Variants in DENND1A observed in about 807,000 individuals in gnomAD.
DENND1A encodes the protein DENN domain containing 1A.
DENND1A carries 51 observed loss-of-function variants against 113.7 expected under a neutral mutation model. The observed-to-expected ratio is 0.45, with a 90% CI of 0.36 to 0.57. The LOEUF (loss-of-function observed/expected upper bound fraction) is 0.57. DENND1A is among the 20% of genes least tolerant of loss of function. The pLI is 0.00. For missense variants in DENND1A, 1,258 were observed against 1,395.9 expected (o/e 0.90, Z 1.57); for synonymous variants, 565 against 570.8 (o/e 0.99, Z 0.14).
rs1830748006 is a variant in DENND1A, at chr9:123,778,318, G to A, written c.133-8755C>T. Among the ~76,000 whole-genome samples, 2 of 152,190 alleles carry A rather than the reference G, an allele frequency of 1.3e-5. 1 individual carries two copies. The highest frequency in any genetic ancestry group is 1.3e-4 in the Admixed American group (2 of 15,280). On this transcript the variant is annotated intron_variant, in intron 3 of 23. Transcript: ENST00000394215. ...CCAGAGTACATTCAGACACTTTACA[G>A]AACTATTCTGAAACATCATACAGTA...
At chr9:123,588,002 G>T (rs1005851653) in intron 11 of DENND1A, among the ~76,000 whole-genome samples, 2 of 152,100 alleles carry the variant, frequency 1.3e-5, no homozygotes, top group African/African-American at 4.8e-5. Context: ...AATAGGATGG[G>T]CATGGTGGCT....
At chr9:123,587,226 G>A (rs892312540) in intron 11 of DENND1A, among the ~76,000 whole-genome samples, 6 of 152,162 alleles carry the variant, frequency 3.9e-5, no homozygotes, top group African/African-American at 9.7e-5. Context: ...CTTTAACATA[G>A]CATTTGTATG....
At chr9:123,503,021 T>G (rs1462205760) in intron 13 of DENND1A, among the ~76,000 whole-genome samples, 1 of 152,216 alleles carries the variant, frequency 6.6e-6, no homozygotes, top group Non-Finnish European at 1.5e-5. Context: ...GCTCATTGAT[T>G]TAGCAGGGAT....
chr9:123,382,558 T>A lies in DENND1A; in HGVS notation c.2087A>T (p.Tyr696Phe), dbSNP rs987493215. 1.9e-6 allele frequency: 3 copies of A among 1,614,046 alleles called. No individual in the cohort carries two copies. The highest frequency in any genetic ancestry group is 2.2e-5 in the East Asian group (1 of 44,850). The change falls in exon 24 of 24, where the codon TAC becomes TTC. Residue 696 changes from tyrosine to phenylalanine, a missense_variant. By Grantham distance (22) the Tyr-to-Phe change is conservative. This residue lies in a region of DENND1A where 1,159 missense variants were observed against 1,231.7 expected (regional missense o/e 0.94). Transcript: ENST00000394215. Reference protein sequence around the residue: ...VTVALKLTHPYNKLWSLGQDD... With the variant: ...VTVALKLTHPFNKLWSLGQDD... ...CTGGCCCAGGCTCCAGAGCTTGTTG[T>A]ACGGGTGGGTAAGCTTCAAGGCCAC...
rs370869808 is a variant in DENND1A at position 123,709,852 on chromosome 9, T to C, written c.303-33063A>G. On this transcript the variant is annotated intron_variant, in intron 5 of 23. Transcript: ENST00000394215. ...TCAAGACAAAGGATCCAAAATTCAC[T>C]TGAATAATGGGAAGAGGGGTATTGG... Among the ~76,000 whole-genome samples, 5 of 152,172 alleles carry C rather than the reference T, an allele frequency of 3.3e-5. No homozygotes were observed. The East Asian group carries it at 5.8e-4, about 18-fold the overall frequency.
intron 5 of DENND1A, among the ~76,000 whole-genome samples, chr9:123,742,759 G>A (rs1397199442): frequency 6.6e-6 from 1 of 152,166 alleles, no homozygotes; most frequent in African/African-American, 2.4e-5. Context: ...TAGGTTCCTA[G>A]TCATTTTACA....
intron 1 of DENND1A, among the ~76,000 whole-genome samples, chr9:123,891,962 T>C (rs1232965319): frequency 6.6e-6 from 1 of 152,106 alleles, no homozygotes; most frequent in East Asian, 1.9e-4. Context: ...AGGGGGGACC[T>C]AAGCAAAGCC....
intron 1 of DENND1A, among the ~76,000 whole-genome samples, chr9:123,929,394 T>A (rs1804854065): frequency 6.6e-6 from 1 of 152,170 alleles, no homozygotes; most frequent in Middle Eastern, 3.2e-3. Flanking sequence ...TCCCCGGCCA[T>A]CCACACCTTA....
chr9:123,845,514 CA>C lies in DENND1A; in HGVS notation c.88+33436del, dbSNP rs1014305553. Among the ~76,000 whole-genome samples the C allele has an allele frequency of 2.0e-5, 3 of 151,214 alleles. No individual in the cohort carries two copies. The East Asian group carries it at 5.8e-4, about 29-fold the overall frequency. On this transcript the variant is annotated intron_variant, in intron 2 of 23. Coordinates refer to ENST00000394215, the MANE Select transcript of DENND1A (RefSeq NM_001352964.2). Reference sequence around the variant, plus strand: ...ACCTCATCTCTCCCTACCCACCCCCCAAAAAATTAAGTGGGTGTGGTGGCAT... The same window carrying C: ...ACCTCATCTCTCCCTACCCACCCCCCAAAAATTAAGTGGGTGTGGTGGCAT...
chr9:123,393,572 G>A (rs1332464995), intron 21 of DENND1A, among the ~76,000 whole-genome samples: 10 of 151,452 alleles, frequency 6.6e-5, no homozygotes, highest in Admixed American at 6.6e-4. Context: ...TCTGAACCAA[G>A]ACTGCAGGGT....
chr9:123,807,716 C>T (rs142672170), intron 2 of DENND1A, among the ~76,000 whole-genome samples: 5 of 152,324 alleles, frequency 3.3e-5, no homozygotes, highest in African/African-American at 1.2e-4. Flanking sequence ...GGCACTCCAG[C>T]CAACTCTCCT....
chr9:123,608,051 A>G lies in DENND1A; in HGVS notation c.765+1385T>C, dbSNP rs142839579. On this transcript the variant is annotated intron_variant, in intron 11 of 23. Coordinates refer to ENST00000394215, the MANE Select transcript of DENND1A (RefSeq NM_001352964.2). ...CCCCCAAACTTGACAAACAAAGGTAAAACACAGAAGAAATCTCTTCAATCT... is the reference window on the plus strand; with the variant it reads ...CCCCCAAACTTGACAAACAAAGGTAGAACACAGAAGAAATCTCTTCAATCT... Among the ~76,000 whole-genome samples, 142 of 152,338 alleles carry G rather than the reference A, an allele frequency of 9.3e-4. 1 individual carries two copies. Among genetic ancestry groups the G allele is most frequent in the African/African-American group, 3.2e-3 (135 of 41,574 alleles).
chr9:123,542,281 C>T (rs2056347078), intron 13 of DENND1A, among the ~76,000 whole-genome samples: 2 of 152,184 alleles, frequency 1.3e-5, no homozygotes, highest in African/African-American at 2.4e-5. Flanking sequence ...AGTCGAGATT[C>T]CCTTACCTAT....
At chr9:123,730,693 T>C (rs961286101) in intron 5 of DENND1A, among the ~76,000 whole-genome samples, 2 of 152,196 alleles carry the variant, frequency 1.3e-5, no homozygotes, top group African/African-American at 4.8e-5. Flanking sequence ...TGGAAGACAG[T>C]GTGGCGATTC....
intron 19 of DENND1A, among the ~76,000 whole-genome samples, chr9:123,434,250 C>A (rs1386919368): frequency 6.6e-6 from 1 of 152,214 alleles, no homozygotes; most frequent in Non-Finnish European, 1.5e-5. Context: ...TGGTCTTGAA[C>A]TCCTGACCTC....
chr9:123,859,019 A>T (rs1244256623), intron 2 of DENND1A, among the ~76,000 whole-genome samples: 1 of 152,222 alleles, frequency 6.6e-6, no homozygotes, highest in Non-Finnish European at 1.5e-5. Context: ...AGGCAAACAT[A>T]GCCCTAAGGT....
chr9:123,924,478 A>G (rs1040619583), intron 1 of DENND1A, among the ~76,000 whole-genome samples: 3 of 152,074 alleles, frequency 2.0e-5, no homozygotes, highest in East Asian at 1.9e-4. Context: ...CCTGGCCAAC[A>G]TGGTGAAACT....
intron 2 of DENND1A, among the ~76,000 whole-genome samples, chr9:123,837,161 G>A (rs1056932565): frequency 3.3e-5 from 5 of 152,164 alleles, no homozygotes; most frequent in Admixed American, 6.5e-5. Flanking sequence ...CCTCCCAACC[G>A]AGGATAAAGC....
intron 12 of DENND1A, among the ~76,000 whole-genome samples, chr9:123,560,776 T>A (rs1433926937): frequency 6.6e-6 from 1 of 151,638 alleles, no homozygotes; most frequent in Non-Finnish European, 1.5e-5. Context: ...GAGGGGACCA[T>A]GGAAAACAAT....
Sources: allele counts gnomAD v4.1 joint callset (sites outside exome capture counted in the v4.1 genomes callset), GRCh38; gene constraint gnomAD v4.1.1; regional missense constraint gnomAD v4.1.1; transcripts MANE v1.5; gene names NCBI Gene and HGNC (gene_info 2026-07-23, HGNC 2026-07-21).